The following C5orf24 variants were observed in gnomAD, a reference collection of about 807,000 sequenced individuals.
C5orf24 encodes chromosome 5 open reading frame 24, also known as UPF0461 protein C5orf24.
Under a neutral mutation model 9.8 loss-of-function variants are expected in C5orf24, and 4 were observed. The ratio of observed to expected loss-of-function variants is 0.41; its 90% CI spans 0.20 to 0.93. C5orf24 has a LOEUF of 0.93. Ranked by LOEUF, C5orf24 falls within the 40% of genes least tolerant of loss-of-function variation. The pLI is 0.33. For missense variants in C5orf24, 170 were observed against 236.9 expected (o/e 0.72, Z 1.85); for synonymous variants, 73 against 81.3 (o/e 0.90, Z 0.55).
In C5orf24 at chr5:134,856,153, A is replaced by T. The variant is rs1756304636; in HGVS notation, c.*686A>T. The T allele has an allele frequency of 1.0e-6, 1 of 997,990 alleles. No homozygotes were observed. 61.8% of individuals were successfully genotyped at this position (997,990 alleles called of 1,614,324 possible). ...TTTTTAATTGCCTAAGAGCATATAT[A>T]CCAAACACTACAAACAATTCATATT... On this transcript the variant is annotated 3_prime_UTR_variant, in exon 2 of 2. Transcript: ENST00000394976.
intron 1 of C5orf24, among the ~76,000 whole-genome samples, chr5:134,847,921 T>C (rs1482935252): frequency 1.3e-5 from 2 of 152,172 alleles, no homozygotes; most frequent in Non-Finnish European, 2.9e-5. Context: ...CAGGCTACTC[T>C]GGAACTCCCG....
the C5orf24 span, among the ~76,000 whole-genome samples, chr5:134,835,787 A>G: frequency 1.1e-3 from 164 of 151,936 alleles, no homozygotes; most frequent in African/African-American, 3.3e-3. Flanking sequence ...CAAAACTCCT[A>G]TGCTCAAGTG....
At chr5:134,841,435 CA>C (rs1324086312), upstream of C5orf24, among the ~76,000 whole-genome samples, 15 of 151,926 alleles carry the variant, frequency 9.9e-5, no homozygotes, top group Non-Finnish European at 8.8e-5. Context: ...ACTAAAAATA[CA>C]AAAAGCCAGG....
At chr5:134,844,017 C>T (rs1254638174), upstream of C5orf24, among the ~76,000 whole-genome samples, 2 of 152,162 alleles carry the variant, frequency 1.3e-5, no homozygotes, top group Non-Finnish European at 2.9e-5. Flanking sequence ...CTCAGGGCTG[C>T]CTGACTTCTT....
chr5:134,854,550 A>AT (rs1466091892), intron 1 of C5orf24, among the ~76,000 whole-genome samples: 5 of 152,372 alleles, frequency 3.3e-5, no homozygotes, highest in African/African-American at 1.2e-4. Flanking sequence ...CTTTACTATT[A>AT]TTCTTTTGAG....
upstream of C5orf24, among the ~76,000 whole-genome samples, chr5:134,842,606 G>T (rs1265240618): frequency 6.6e-6 from 1 of 152,066 alleles, no homozygotes; most frequent in East Asian, 1.9e-4. Context: ...CTAGCTAGTG[G>T]TTCACCAAAT....
chr5:134,841,220 A>C (rs1755888153), upstream of C5orf24, among the ~76,000 whole-genome samples: 1 of 152,160 alleles, frequency 6.6e-6, no homozygotes, highest in African/African-American at 2.4e-5. Context: ...AGAGGTAAAA[A>C]TAACGTTTGT....
intron 1 of C5orf24, among the ~76,000 whole-genome samples, chr5:134,854,145 T>G (rs1263987284): frequency 6.6e-6 from 1 of 152,242 alleles, no homozygotes; most frequent in Admixed American, 6.5e-5. Context: ...AGTATAAGTC[T>G]TAAGCATTTG....
At position 134,855,162 on chromosome 5, in the gene C5orf24, G is replaced by A; in HGVS notation, c.262G>A (p.Gly88Ser). The A allele has an allele frequency of 6.2e-7, 1 of 1,614,184 alleles. No individual in the cohort carries two copies. The highest frequency in any genetic ancestry group is 8.5e-7 in the Non-Finnish European group (1 of 1,180,040). ...LKKKKNLNRS[G>S]KRGRPSGTTK... Reference sequence around the variant, plus strand: ...GAAAAAGAAGAATCTCAACCGATCTGGTAAGCGTGGCCGGCCTTCGGGAAC... The same window carrying A: ...GAAAAAGAAGAATCTCAACCGATCTAGTAAGCGTGGCCGGCCTTCGGGAAC... Residue 88 changes from glycine to serine, a missense_variant, in exon 2 of 2, where the codon GGT becomes AGT. Transcript: ENST00000394976.
chr5:134,837,473 G>A, the C5orf24 span, among the ~76,000 whole-genome samples: 1 of 152,008 alleles, frequency 6.6e-6, no homozygotes, highest in African/African-American at 2.4e-5. Flanking sequence ...ATTTTCTTAT[G>A]CTCTCTGCTA....
chr5:134,834,602 T>C, the C5orf24 span, among the ~76,000 whole-genome samples: 1 of 152,278 alleles, frequency 6.6e-6, no homozygotes, highest in East Asian at 1.9e-4. Flanking sequence ...TAACTTTTTA[T>C]TGGTTTAATT....
chr5:134,855,014 G>A lies in C5orf24; in HGVS notation c.114G>A (p.Gln38=). 1 of 1,614,008 alleles carries A rather than the reference G, an allele frequency of 6.2e-7. No individual in the cohort carries two copies. The highest frequency in any genetic ancestry group is 1.1e-5 in the South Asian group (1 of 91,080). The change falls in exon 2 of 2, where the codon CAG becomes CAA. Residue 38 remains glutamine (Q), a synonymous_variant. Coordinates refer to ENST00000394976, the MANE Select transcript of C5orf24 (RefSeq NM_001135586.1). ...ATCAGTTTGACATATATTCCTCCCA[G>A]CAAAGCAAATACAGCCACACAGTCA... ...AADQFDIYSS[Q]QSKYSHTVNH...
chr5:134,836,384 G>A, the C5orf24 span, among the ~76,000 whole-genome samples: 1 of 152,036 alleles, frequency 6.6e-6, no homozygotes, highest in Non-Finnish European at 1.5e-5. Context: ...TGTTGGTCAG[G>A]CTGGTCTCGA....
the C5orf24 span, among the ~76,000 whole-genome samples, chr5:134,835,481 C>T: frequency 1.1e-4 from 17 of 151,922 alleles, no homozygotes; most frequent in Non-Finnish European, 2.4e-4. Flanking sequence ...CCAGTCTCTA[C>T]TAAAAAAATA....
chr5:134,847,314 G>T (rs80152516), intron 1 of C5orf24, among the ~76,000 whole-genome samples: 1 of 151,832 alleles, frequency 6.6e-6, no homozygotes, highest in East Asian at 1.9e-4. Flanking sequence ...TGTTTTTTTT[G>T]AAACGGAGTC....
chr5:134,836,261 G>A, the C5orf24 span, among the ~76,000 whole-genome samples: 6 of 135,294 alleles, frequency 4.4e-5, no homozygotes, highest in African/African-American at 1.4e-4. Context: ...TGCAAGCTCC[G>A]CCTCCCGGAT....
At chr5:134,844,324 A>T (rs1199571481), upstream of C5orf24, among the ~76,000 whole-genome samples, 2 of 152,060 alleles carry the variant, frequency 1.3e-5, no homozygotes, top group African/African-American at 4.8e-5. Flanking sequence ...CACTAGCATG[A>T]TTAATCCTGT....
rs1756371783 is a variant in C5orf24, at chr5:134,858,596, A to C, written c.*3129A>C. The C allele has an allele frequency of 6.0e-6, 1 of 167,026 alleles. No individual in the cohort carries two copies. The highest frequency in any genetic ancestry group is 2.1e-4 in the South Asian group (1 of 4,836). The allele number at this position is 167,026 out of a possible 1,614,324, so 10.3% of individuals were successfully genotyped here. A position where few individuals can be genotyped will look rare whatever the true frequency, so the allele number is the denominator to read the frequency against. Reference sequence around the variant, plus strand: ...TCTATATTTAAACTGTTGGTCAGAAAATGATCTGCAATTCAAGTAAGTCTG... The same window carrying C: ...TCTATATTTAAACTGTTGGTCAGAACATGATCTGCAATTCAAGTAAGTCTG... On this transcript the variant is annotated 3_prime_UTR_variant, in exon 2 of 2. Coordinates refer to ENST00000394976, the MANE Select transcript of C5orf24 (RefSeq NM_001135586.1).
In C5orf24 at chr5:134,857,909, A is replaced by T. The variant is rs1191255477; in HGVS notation, c.*2442A>T. ...TTATTTTCCTTCCTTATTTTGTTAT[A>T]CATACCCTTCCCTTTCTCCCCTGCC... is the stretch of plus-strand genomic sequence containing the variant. On this transcript the variant is annotated 3_prime_UTR_variant, in exon 2 of 2. Coordinates refer to ENST00000394976, the MANE Select transcript of C5orf24 (RefSeq NM_001135586.1). The T allele has an allele frequency of 1.2e-5, 2 of 167,064 alleles. No individual in the cohort carries two copies. Among genetic ancestry groups the T allele is most frequent in the African/African-American group, 4.8e-5 (2 of 41,446 alleles). 10.3% of individuals were successfully genotyped at this position (167,064 alleles called of 1,614,324 possible). A position where few individuals can be genotyped will look rare whatever the true frequency, so the allele number is the denominator to read the frequency against.
Sources: allele counts gnomAD v4.1 joint callset (sites outside exome capture counted in the v4.1 genomes callset), GRCh38; gene constraint gnomAD v4.1.1; transcripts MANE v1.5; gene names NCBI Gene and HGNC (gene_info 2026-07-23, HGNC 2026-07-21).